Variants in MSRA observed in about 807,000 individuals in gnomAD.
MSRA encodes the protein methionine sulfoxide reductase A.
MSRA carries 54 observed loss-of-function variants against 31.3 expected under a neutral mutation model. The ratio of observed to expected loss-of-function variants is 1.73; its 90% CI spans 1.39 to 2.17. The LOEUF (loss-of-function observed/expected upper bound fraction) is 2.17, where lower values mean the gene tolerates loss of function less well. Among genes scored for constraint, MSRA ranks in the 30% most tolerant of loss-of-function variants. MSRA has a pLI of 0.00. For synonymous variants in MSRA, 169 were observed against 116.5 expected (o/e 1.45, Z -2.90); for missense variants, 507 against 300.9 (o/e 1.69, Z -5.07).
At chr8:10,167,883 C>A (rs1805277740) in intron 1 of MSRA, among the ~76,000 whole-genome samples, 1 of 152,152 alleles carries the variant, frequency 6.6e-6, no homozygotes, top group Non-Finnish European at 1.5e-5. Flanking sequence ...ATTGCCACTG[C>A]CCTAGAAGGC....
At chr8:10,089,012 T>G (rs979232890) in intron 1 of MSRA, among the ~76,000 whole-genome samples, 1 of 152,166 alleles carries the variant, frequency 6.6e-6, no homozygotes, top group Non-Finnish European at 1.5e-5. Context: ...TGGGGAGATG[T>G]AGATCAAAGG....
chr8:10,070,031 AG>A (rs1175177895), intron 1 of MSRA, among the ~76,000 whole-genome samples: 1 of 152,236 alleles, frequency 6.6e-6, no homozygotes, highest in Non-Finnish European at 1.5e-5. Context: ...AATCTTGCCA[AG>A]GATATAAAAT....
chr8:10,347,171 G>C (rs1262144629), intron 5 of MSRA, among the ~76,000 whole-genome samples: 3 of 152,114 alleles, frequency 2.0e-5, no homozygotes, highest in Non-Finnish European at 2.9e-5. Context: ...GTTCTGTCTT[G>C]TTCATCACTG....
chr8:10,363,998 G>T (rs188080003), intron 5 of MSRA, among the ~76,000 whole-genome samples: 34 of 152,114 alleles, frequency 2.2e-4, no homozygotes, highest in Non-Finnish European at 4.7e-4. Flanking sequence ...TGGGAGTAGG[G>T]GTCAGAGAGA....
At chr8:10,245,077 C>CT (rs745827849) in intron 2 of MSRA, 27 bp from the exon 3 acceptor site, 498 of 1,579,380 alleles carry the variant, frequency 3.2e-4, no homozygotes, top group Admixed American at 6.7e-4. Context: ...AATCAGTATC[C>CT]TTTTTTTTTC....
At chr8:10,249,411 C>T (rs912041830) in intron 3 of MSRA, among the ~76,000 whole-genome samples, 1 of 152,196 alleles carries the variant, frequency 6.6e-6, no homozygotes, top group Non-Finnish European at 1.5e-5. Context: ...TCTTCCAAGG[C>T]TTCAGTTGCC....
At chr8:10,093,450 T>C (rs1362468472) in intron 1 of MSRA, among the ~76,000 whole-genome samples, 1 of 152,200 alleles carries the variant, frequency 6.6e-6, no homozygotes, top group Non-Finnish European at 1.5e-5. Context: ...ACTTTGCTCC[T>C]ATATAGCTCT....
intron 5 of MSRA, among the ~76,000 whole-genome samples, chr8:10,404,192 A>T (rs1295053324): frequency 6.6e-6 from 1 of 152,146 alleles, no homozygotes; most frequent in Non-Finnish European, 1.5e-5. Context: ...TCATTTCCCC[A>T]CAATGCCGGG....
intron 4 of MSRA, among the ~76,000 whole-genome samples, chr8:10,317,122 T>A (rs1015178636): frequency 6.6e-6 from 1 of 152,224 alleles, no homozygotes; most frequent in African/African-American, 2.4e-5. Context: ...GTCCTGCTAA[T>A]GAGATTGCTC....
At chr8:10,066,743 C>T (rs201375099) in intron 1 of MSRA, among the ~76,000 whole-genome samples, 3 of 152,058 alleles carry the variant, frequency 2.0e-5, no homozygotes, top group Non-Finnish European at 2.9e-5. Flanking sequence ...CCATGTTGGC[C>T]GGGCTGGTCT....
intron 5 of MSRA, among the ~76,000 whole-genome samples, chr8:10,382,252 C>T (rs187721774): frequency 2.6e-5 from 4 of 152,216 alleles, no homozygotes; most frequent in Admixed American, 2.6e-4. Context: ...CCAGCAGGCC[C>T]AGCAGCCCAG....
At chr8:10,378,636 G>A (rs574156920) in intron 5 of MSRA, among the ~76,000 whole-genome samples, 7 of 152,144 alleles carry the variant, frequency 4.6e-5, no homozygotes, top group African/African-American at 1.4e-4. Flanking sequence ...GCAGCTCCGC[G>A]TCCCTTCTTC....
At chr8:10,171,769 G>C (rs1052230592) in intron 1 of MSRA, among the ~76,000 whole-genome samples, 5 of 152,188 alleles carry the variant, frequency 3.3e-5, no homozygotes, top group African/African-American at 1.2e-4. Flanking sequence ...GGTGGTAGTG[G>C]AATTTGTACA....
chr8:10,325,606 T>A (rs1428565431), intron 5 of MSRA, among the ~76,000 whole-genome samples: 2 of 152,256 alleles, frequency 1.3e-5, no homozygotes, highest in African/African-American at 4.8e-5. Flanking sequence ...TCAGTTGATA[T>A]AACTGATAAT....
At chr8:10,309,880 C>A (rs886863023) in intron 4 of MSRA, among the ~76,000 whole-genome samples, 3 of 152,152 alleles carry the variant, frequency 2.0e-5, no homozygotes, top group African/African-American at 7.2e-5. Context: ...AGGTCCACTC[C>A]GTGTTCAGGA....
At chr8:10,262,232 G>A (rs1165997979) in intron 3 of MSRA, among the ~76,000 whole-genome samples, 1 of 152,200 alleles carries the variant, frequency 6.6e-6, no homozygotes, top group Non-Finnish European at 1.5e-5. Flanking sequence ...AACTCATTTG[G>A]ACAAATATTT....
At chr8:10,080,817 G>C (rs1261533763) in intron 1 of MSRA, among the ~76,000 whole-genome samples, 1 of 151,966 alleles carries the variant, frequency 6.6e-6, no homozygotes, top group Non-Finnish European at 1.5e-5. Context: ...GGGATTATAG[G>C]TGTGAGCCAC....
chr8:10,260,505 G>T (rs1179117055), intron 3 of MSRA, among the ~76,000 whole-genome samples: 1 of 152,170 alleles, frequency 6.6e-6, no homozygotes, highest in Non-Finnish European at 1.5e-5. Flanking sequence ...GGCACAGATG[G>T]ACTGGTCACG....
intron 5 of MSRA, among the ~76,000 whole-genome samples, chr8:10,397,021 T>C (rs1807138313): frequency 6.6e-6 from 1 of 152,194 alleles, no homozygotes; most frequent in Non-Finnish European, 1.5e-5. Flanking sequence ...TGGATAAGGA[T>C]TGTTCTCCAT....
Sources: allele counts gnomAD v4.1 joint callset (sites outside exome capture counted in the v4.1 genomes callset), GRCh38; gene constraint gnomAD v4.1.1; transcripts MANE v1.5; gene names NCBI Gene and HGNC (gene_info 2026-07-23, HGNC 2026-07-21).